The following CORO2B variants were observed in gnomAD, a reference collection of about 807,000 sequenced individuals.
The protein encoded by CORO2B is coronin-2B.
Under a neutral mutation model 58.8 loss-of-function variants are expected in CORO2B, and 26 were observed. The ratio of observed to expected loss-of-function variants is 0.44; its 90% CI spans 0.32 to 0.61. The LOEUF is 0.61. Ranked by LOEUF, CORO2B falls within the 20% of genes least tolerant of loss-of-function variation. The pLI is 0.04. For missense variants in CORO2B, 460 were observed against 645.1 expected (o/e 0.71, Z 3.11); for synonymous variants, 242 against 253.8 (o/e 0.95, Z 0.44).
intron 11 of CORO2B, among the ~76,000 whole-genome samples, chr15:68,724,671 A>G (rs942869990): frequency 6.6e-6 from 1 of 152,232 alleles, no homozygotes; most frequent in Non-Finnish European, 1.5e-5. Flanking sequence ...TAGAAACAAC[A>G]ACTCTCTTTT....
intron 1 of CORO2B, among the ~76,000 whole-genome samples, chr15:68,598,178 C>T (rs1899888696): frequency 6.6e-6 from 1 of 152,226 alleles, no homozygotes; most frequent in Non-Finnish European, 1.5e-5. Flanking sequence ...AAGCTCAGTG[C>T]CCTGGGCTCT....
chr15:68,644,819 G>A (rs1027723860), intron 1 of CORO2B, among the ~76,000 whole-genome samples: 4 of 152,178 alleles, frequency 2.6e-5, no homozygotes, highest in African/African-American at 4.8e-5. Flanking sequence ...GAGTCTGTAT[G>A]TGTTCTTGCT....
chr15:68,669,960 GGCAAGAGAATT>G (rs1451444117), intron 2 of CORO2B, among the ~76,000 whole-genome samples: 1 of 151,662 alleles, frequency 6.6e-6, no homozygotes, highest in Non-Finnish European at 1.5e-5. Flanking sequence ...AGGAGGCTGA[GGCAAGAGAATT>G]GCTTGAACCT....
At position 68,686,841 on chromosome 15, in the gene CORO2B, G is replaced by A. The variant is rs77601432; in HGVS notation, c.217-8299G>A. 3.0e-3 allele frequency among the ~76,000 whole-genome samples: 449 copies of A among 151,676 alleles called. 14 individuals are homozygous for A. In the East Asian group the frequency reaches 0.078, roughly 26 times the overall value. On this transcript the variant is annotated intron_variant, in intron 2 of 11. Transcript: ENST00000261861. The stretch of plus-strand genomic sequence containing the variant: ...TTGAACCCAGGCGGCGGAGGTCACC[G>A]TGAGCCAAGATCGCACCATTGCACC...
chr15:68,578,529 C>A (rs1162505283), upstream of CORO2B, among the ~76,000 whole-genome samples: 1 of 152,228 alleles, frequency 6.6e-6, no homozygotes, highest in South Asian at 2.1e-4. This position sits in a 1 kb window ranked among gnomAD's most constrained non-coding sequence, Gnocchi z 4.2. Flanking sequence ...GCGGGCAGGG[C>A]TCCCGGGCTT....
chr15:68,698,983 A>G (rs1436681665), intron 3 of CORO2B, among the ~76,000 whole-genome samples: 1 of 152,212 alleles, frequency 6.6e-6, no homozygotes. Context: ...ACCAAGGTGC[A>G]GAGAGGAGAA....
At chr15:68,656,522 T>A (rs140406129) in intron 2 of CORO2B, among the ~76,000 whole-genome samples, 3 of 152,166 alleles carry the variant, frequency 2.0e-5, no homozygotes, top group East Asian at 3.9e-4. Flanking sequence ...CACAGCTAGT[T>A]AGTGCCCCAT....
chr15:68,670,730 G>A (rs1450979700), intron 2 of CORO2B, among the ~76,000 whole-genome samples: 1 of 152,104 alleles, frequency 6.6e-6, no homozygotes, highest in Non-Finnish European at 1.5e-5. Flanking sequence ...ACCTTACAAA[G>A]CATCAAAGAC....
the CORO2B span, among the ~76,000 whole-genome samples, chr15:68,555,090 T>C: frequency 6.6e-6 from 1 of 152,124 alleles, no homozygotes; most frequent in Admixed American, 6.5e-5. Flanking sequence ...TAGCTCACTC[T>C]TCAGGGGCAC....
rs556124144 is a variant in CORO2B at position 68,648,370 on chromosome 15, G to A, written c.216+3010G>A. Reference sequence around the variant, plus strand: ...AACGAAAGAAAGAAACAAAAGGCCGGGTGCAGTGGCTCACGCCTGTAATCC... The same window carrying A: ...AACGAAAGAAAGAAACAAAAGGCCGAGTGCAGTGGCTCACGCCTGTAATCC... On this transcript the variant is annotated intron_variant, in intron 2 of 11. Coordinates refer to ENST00000261861, the MANE Select transcript of CORO2B (RefSeq NM_006091.5). Among the ~76,000 whole-genome samples, 283 of 151,810 alleles carry A rather than the reference G, an allele frequency of 1.9e-3. 1 individual carries two copies. Among genetic ancestry groups the A allele is most frequent in the African/African-American group, 6.7e-3 (276 of 41,430 alleles).
chr15:68,522,759 C>A, the CORO2B span, among the ~76,000 whole-genome samples: 1 of 152,156 alleles, frequency 6.6e-6, no homozygotes, highest in Non-Finnish European at 1.5e-5. Flanking sequence ...CTTGTTATAT[C>A]TTTTTATGAG....
At chr15:68,553,992 G>T in the CORO2B span, among the ~76,000 whole-genome samples, 6 of 152,132 alleles carry the variant, frequency 3.9e-5, no homozygotes, top group African/African-American at 1.4e-4. Flanking sequence ...AGGATTACAG[G>T]GGCAAGAATG....
At chr15:68,620,505 T>C (rs918110158) in intron 1 of CORO2B, among the ~76,000 whole-genome samples, 5 of 152,124 alleles carry the variant, frequency 3.3e-5, no homozygotes, top group African/African-American at 1.2e-4. Flanking sequence ...CACTTGTCCA[T>C]GAGTCTGATA....
the CORO2B span, among the ~76,000 whole-genome samples, chr15:68,548,014 T>C: frequency 6.6e-6 from 1 of 151,892 alleles, no homozygotes; most frequent in East Asian, 2.0e-4. Flanking sequence ...CTACTAAAAA[T>C]ACAAAAATTA....
At chr15:68,698,675 G>A (rs533292377) in intron 3 of CORO2B, among the ~76,000 whole-genome samples, 1 of 152,270 alleles carries the variant, frequency 6.6e-6, no homozygotes, top group African/African-American at 2.4e-5. Context: ...CCATCTGGGT[G>A]GCCAATGGAG....
intron 3 of CORO2B, among the ~76,000 whole-genome samples, chr15:68,702,799 A>G (rs1892683126): frequency 6.9e-6 from 1 of 145,722 alleles, no homozygotes; most frequent in Admixed American, 6.8e-5. Context: ...GGCAGAAACC[A>G]TATCTTTTTC....
intron 1 of CORO2B, among the ~76,000 whole-genome samples, chr15:68,608,598 G>A (rs1261323371): frequency 6.6e-6 from 1 of 152,192 alleles, no homozygotes; most frequent in Non-Finnish European, 1.5e-5. Context: ...GGGATCTGTT[G>A]GAGAATGATG....
intron 3 of CORO2B, among the ~76,000 whole-genome samples, chr15:68,705,179 A>T (rs1328545266): frequency 2.6e-5 from 4 of 152,166 alleles, no homozygotes; most frequent in Non-Finnish European, 5.9e-5. Flanking sequence ...AACTAATACT[A>T]TCTAAATGTG....
At chr15:68,717,922 C>T (rs1250147283) in intron 8 of CORO2B, among the ~76,000 whole-genome samples, 1 of 152,178 alleles carries the variant, frequency 6.6e-6, no homozygotes. Flanking sequence ...CTGCTGATCA[C>T]CTCAGGTAGG....
Sources: allele counts gnomAD v4.1 joint callset (sites outside exome capture counted in the v4.1 genomes callset), GRCh38; gene constraint gnomAD v4.1.1; non-coding constraint Gnocchi (gnomAD v3.1); transcripts MANE v1.5; gene names NCBI Gene and HGNC (gene_info 2026-07-23, HGNC 2026-07-21).